The following GATA4 variants were observed in gnomAD, a reference collection of about 807,000 sequenced individuals.
GATA4 encodes the protein GATA binding protein 4.
GATA4 carries 7 observed loss-of-function variants against 37.9 expected under a neutral mutation model. The observed-to-expected ratio is 0.18, with a 90% CI of 0.11 to 0.35. The LOEUF (loss-of-function observed/expected upper bound fraction) is 0.35. GATA4 is among the 10% of genes least tolerant of loss of function. The pLI is 1.00. For missense variants in GATA4, 647 were observed against 653.0 expected, an observed-to-expected ratio of 0.99 and a Z score of 0.10; for synonymous variants, 372 against 292.6, an observed-to-expected ratio of 1.27 and a Z score of -2.77.
At chr8:11,690,068 G>C (rs1799261064), upstream of GATA4, among the ~76,000 whole-genome samples, 1 of 152,228 alleles carries the variant, frequency 6.6e-6, no homozygotes, top group South Asian at 2.1e-4. Context: ...CAATACCAGG[G>C]CTCCACATCA....
Position 11,748,392 on chromosome 8 carries a change from A to G in GATA4, c.617-524A>G, listed in dbSNP as rs138466390. Among the ~76,000 whole-genome samples, 448 of 152,320 alleles carry G rather than the reference A, an allele frequency of 2.9e-3. 2 individuals are homozygous for G. The highest frequency in any genetic ancestry group is 0.01 in the African/African-American group (428 of 41,564). On this transcript the variant is annotated intron_variant, in intron 2 of 6. Coordinates refer to ENST00000532059, the MANE Select transcript of GATA4 (RefSeq NM_001308093.3). The stretch of plus-strand genomic sequence containing the variant: ...GGGTGACAGAGTGACCCTGTCTCTA[A>G]TAAAAAGAATAAAATAAATACAGTC...
chr8:11,678,762 T>A (rs1002761310), intron 1 of GATA4, among the ~76,000 whole-genome samples: 11 of 152,244 alleles, frequency 7.2e-5, no homozygotes, highest in Admixed American at 3.3e-4. Context: ...TCCCACTTTA[T>A]GAACTATTTT....
rs75206447 is a variant in GATA4 at position 11,707,320 on chromosome 8, T to G, written c.-457-536T>G. Among the ~76,000 whole-genome samples the G allele has an allele frequency of 1.3e-5, 2 of 150,386 alleles. No homozygotes were observed. The highest frequency in any genetic ancestry group is 5.0e-5 in the African/African-American group (2 of 40,230). On this transcript the variant is annotated intron_variant, in intron 1 of 6. Transcript: ENST00000532059. The surrounding 1 kb of genome is among the most constrained non-coding windows in gnomAD (Gnocchi z 4.7). ...AAACATTTGGACTCTACTTCTGGTT[T>G]TTTTTTTTTTTAATTACAAACAAAA...
At chr8:11,689,159 C>A (rs1294885347), upstream of GATA4, among the ~76,000 whole-genome samples, 1 of 152,192 alleles carries the variant, frequency 6.6e-6, no homozygotes, top group Non-Finnish European at 1.5e-5. Flanking sequence ...ACTGTCCCTC[C>A]CCAGGGATGG....
In GATA4 at chr8:11,707,124, G is replaced by T. The variant is rs1258014952; in HGVS notation, c.-457-732G>T. Among the ~76,000 whole-genome samples the T allele has an allele frequency of 6.6e-6, 1 of 152,158 alleles. No homozygotes were observed. Among genetic ancestry groups the T allele is most frequent in the Non-Finnish European group, 1.5e-5 (1 of 68,038 alleles). On this transcript the variant is annotated intron_variant, in intron 1 of 6. Transcript: ENST00000532059. This position sits in a 1 kb window ranked among gnomAD's most constrained non-coding sequence, Gnocchi z 4.7. Reference sequence around the variant, plus strand: ...GTGGGTTATTCTGTAGAGCGGCATTGTACATTCTTCTCACTTTTCTGGTTC... The same window carrying T: ...GTGGGTTATTCTGTAGAGCGGCATTTTACATTCTTCTCACTTTTCTGGTTC...
chr8:11,721,181 G>C (rs1468303090), intron 2 of GATA4, among the ~76,000 whole-genome samples: 2 of 151,358 alleles, frequency 1.3e-5, no homozygotes, highest in African/African-American at 4.9e-5. Flanking sequence ...TTAGGATACC[G>C]AAACTGGCCT....
chr8:11,714,652 C>G (rs1002372252), intron 2 of GATA4, among the ~76,000 whole-genome samples: 2 of 152,174 alleles, frequency 1.3e-5, no homozygotes, highest in Non-Finnish European at 2.9e-5. Flanking sequence ...CTCTAGTGAG[C>G]CCTGTCACTT....
intron 2 of GATA4, among the ~76,000 whole-genome samples, chr8:11,745,231 G>C (rs999578237): frequency 9.2e-5 from 14 of 152,132 alleles, no homozygotes; most frequent in Non-Finnish European, 1.9e-4. Context: ...GTCGGCAGCT[G>C]AGATCACGCT....
At chr8:11,756,412 C>CATTAAAAAA in intron 5 of GATA4, 1 of 193,758 alleles carries the variant, frequency 5.2e-6, no homozygotes, top group South Asian at 9.3e-5. Context: ...TCTCACGTAG[C>CATTAAAAAA]AATCACAGAT....
Position 11,758,443 on chromosome 8 carries a change from G to A in GATA4, c.1300G>A (p.Ala434Thr). ...KQDSWNSLVL[A>T]DSHGDIITA is the part of the protein sequence containing the mutation. ...GGACTCTTGGAACAGCCTGGTCTTG[G>A]CCGACAGTCACGGGGACATAATCAC... is the stretch of plus-strand genomic sequence containing the variant. Residue 434 changes from alanine (A) to threonine (T), a missense_variant, in exon 7 of 7, where the codon GCC becomes ACC. Coordinates refer to ENST00000532059, the MANE Select transcript of GATA4 (RefSeq NM_001308093.3). 6.2e-7 allele frequency: 1 copy of A among 1,614,214 alleles called. No homozygotes were observed. Among genetic ancestry groups the A allele is most frequent in the Non-Finnish European group, 8.5e-7 (1 of 1,180,028 alleles).
intron 1 of GATA4, chr8:11,698,033 T>G: frequency 1.0e-6 from 1 of 984,630 alleles, no homozygotes; most frequent in Non-Finnish European, 1.2e-6. Flanking sequence ...GACTCTGGGT[T>G]GACCTCGTCC....
chr8:11,746,965 GC>G (rs1322263219), intron 2 of GATA4, among the ~76,000 whole-genome samples: 4 of 152,160 alleles, frequency 2.6e-5, no homozygotes, highest in African/African-American at 9.7e-5. Flanking sequence ...TGTGGGGAGG[GC>G]CCCCCACCAT....
chr8:11,701,849 G>GGT (rs1799687579), upstream of GATA4, among the ~76,000 whole-genome samples: 1 of 151,978 alleles, frequency 6.6e-6, no homozygotes, highest in Non-Finnish European at 1.5e-5. Flanking sequence ...AAAGGACCGG[G>GGT]GTGGTGGGGG....
upstream of GATA4, among the ~76,000 whole-genome samples, chr8:11,701,025 G>GGAACCAGTGTTTAGATTGCTCTGTACAC (rs1799657386): frequency 6.6e-6 from 1 of 152,112 alleles, no homozygotes; most frequent in African/African-American, 2.4e-5. Context: ...ATTTTTGGGG[G>GGAACCAGTGTTTAGATTGCTCTGTACAC]GAACCAGTGT....
At chr8:11,725,500 C>A (rs1158597025) in intron 2 of GATA4, among the ~76,000 whole-genome samples, 1 of 152,250 alleles carries the variant, frequency 6.6e-6, no homozygotes, top group African/African-American at 2.4e-5. Flanking sequence ...ACTTGCAGAA[C>A]CGAAGGCCTC....
chr8:11,678,615 A>G (rs1798855848), intron 1 of GATA4, among the ~76,000 whole-genome samples: 1 of 152,196 alleles, frequency 6.6e-6, no homozygotes, highest in Non-Finnish European at 1.5e-5. Flanking sequence ...GAATCCTGTG[A>G]TTTATCATCA....
chr8:11,698,124 T>C, intron 1 of GATA4: 1 of 525,550 alleles, frequency 1.9e-6, no homozygotes, highest in Non-Finnish European at 2.4e-6. Flanking sequence ...GGCCTCTCTC[T>C]GCGTCGCCAA....
chr8:11,682,613 A>T (rs199848703), intron 1 of GATA4, among the ~76,000 whole-genome samples: 2 of 149,376 alleles, frequency 1.3e-5, no homozygotes, highest in African/African-American at 2.4e-5. Flanking sequence ...TTAAAAAAAA[A>T]TTCTAACAAA....
intron 2 of GATA4, among the ~76,000 whole-genome samples, chr8:11,743,818 A>C (rs769371265): frequency 3.9e-5 from 6 of 152,192 alleles, no homozygotes; most frequent in Non-Finnish European, 5.9e-5. Flanking sequence ...AGCTTGTTTA[A>C]TTGATAGGAA....
Sources: gnomAD v4.1 joint callset for allele counts (sites outside exome capture counted in the v4.1 genomes callset) on GRCh38, gnomAD v4.1.1 for gene constraint, Gnocchi (gnomAD v3.1) non-coding constraint, MANE v1.5 for transcripts, NCBI Gene and HGNC (gene_info 2026-07-23, HGNC 2026-07-21) for gene names.